Variants in FBXO32 observed in about 807,000 individuals in gnomAD.
FBXO32 encodes F-box protein 32, also known as F-box only protein 32.
FBXO32 carries 15 observed loss-of-function variants against 48.3 expected under a neutral mutation model. The ratio of observed to expected loss-of-function variants is 0.31; its 90% CI spans 0.21 to 0.48. FBXO32 has a LOEUF of 0.48. Ranked by LOEUF, FBXO32 falls within the 20% of genes least tolerant of loss-of-function variation. The pLI is 0.99. For missense variants in FBXO32, 309 were observed against 432.7 expected (o/e 0.71, Z 2.54); for synonymous variants, 154 against 165.9 (o/e 0.93, Z 0.55).
At chr8:123,524,471 A>G (rs1237622285) in intron 4 of FBXO32, among the ~76,000 whole-genome samples, 1 of 152,198 alleles carries the variant, frequency 6.6e-6, no homozygotes, top group Admixed American at 6.5e-5. Flanking sequence ...TGGTAGAGGC[A>G]GTTGGCTATG....
At chr8:123,522,687 T>A (rs1405660579) in intron 4 of FBXO32, among the ~76,000 whole-genome samples, 1 of 152,156 alleles carries the variant, frequency 6.6e-6, no homozygotes, top group Non-Finnish European at 1.5e-5. Flanking sequence ...CCACAATCAT[T>A]CCCCTTCACT....
chr8:123,510,478 T>C (rs1816714310), intron 6 of FBXO32, among the ~76,000 whole-genome samples: 1 of 152,082 alleles, frequency 6.6e-6, no homozygotes, highest in Non-Finnish European at 1.5e-5. Context: ...CCGGGTGTGG[T>C]GGTGCATGCC....
intron 1 of FBXO32, among the ~76,000 whole-genome samples, chr8:123,539,168 T>C (rs1050438835): frequency 1.3e-5 from 2 of 152,126 alleles, no homozygotes; most frequent in Admixed American, 6.5e-5. Flanking sequence ...ACATTTTAAA[T>C]CTTCTGCTGA....
At chr8:123,503,704 A>G (rs547681222) in intron 8 of FBXO32, among the ~76,000 whole-genome samples, 1 of 152,336 alleles carries the variant, frequency 6.6e-6, no homozygotes, top group South Asian at 2.1e-4. Context: ...AAGTGGATCA[A>G]TGGGTACAAA....
At chr8:123,510,475 TG>T (rs1428477535) in intron 6 of FBXO32, among the ~76,000 whole-genome samples, 1 of 151,966 alleles carries the variant, frequency 6.6e-6, no homozygotes, top group Non-Finnish European at 1.5e-5. Context: ...TAGCCGGGTG[TG>T]GTGGTGCATG....
At chr8:123,510,476 G>C (rs1367886077) in intron 6 of FBXO32, among the ~76,000 whole-genome samples, 4 of 152,122 alleles carry the variant, frequency 2.6e-5, no homozygotes, top group Non-Finnish European at 4.4e-5. Flanking sequence ...AGCCGGGTGT[G>C]GTGGTGCATG....
intron 4 of FBXO32, among the ~76,000 whole-genome samples, chr8:123,514,784 C>T (rs1816804666): frequency 6.6e-6 from 1 of 152,228 alleles, no homozygotes; most frequent in Admixed American, 6.5e-5. Context: ...GCCATGTGCA[C>T]TTTTTCCATG....
In FBXO32 at chr8:123,503,448, C is replaced by A; in HGVS notation, c.993G>T (p.Pro331=). 1 of 1,613,894 alleles carries A rather than the reference C, an allele frequency of 6.2e-7. No homozygotes were observed. Residue 331 remains proline (P), a synonymous_variant, in exon 9 of 9, where the codon CCG becomes CCT. Coordinates refer to ENST00000517956, the MANE Select transcript of FBXO32 (RefSeq NM_058229.4). ...HILSWKGTDH[P]CTANNPESCS... ...AGCTCTCTGGGTTATTGGCAGTGCA[C>A]GGATGGTCAGTGCCCTGGAAAGGAA...
chr8:123,527,662 T>G (rs1238557092), intron 4 of FBXO32, among the ~76,000 whole-genome samples: 1 of 152,246 alleles, frequency 6.6e-6, no homozygotes, highest in African/African-American at 2.4e-5. Flanking sequence ...GAAAGATGGT[T>G]GGATATGCTA....
intron 4 of FBXO32, among the ~76,000 whole-genome samples, chr8:123,517,223 A>G (rs1441132447): frequency 6.6e-6 from 1 of 152,228 alleles, no homozygotes; most frequent in Non-Finnish European, 1.5e-5. Context: ...AAATCCATCC[A>G]AAACCCAGAT....
chr8:123,512,698 A>G (rs1165876700), intron 6 of FBXO32, among the ~76,000 whole-genome samples: 4 of 151,884 alleles, frequency 2.6e-5, no homozygotes, highest in African/African-American at 9.7e-5. Context: ...ATTGCTCATC[A>G]TTTTCCCACA....
At position 123,540,957 on chromosome 8, in the gene FBXO32, C is replaced by T; in HGVS notation, c.58G>A (p.Asp20Asn). Reference protein sequence around the residue: ...SPGQNWVKTADGWKRFLDEKS... With the variant: ...SPGQNWVKTANGWKRFLDEKS... ...TCATCCAGGAAGCGCTTCCAGCCGT[C>T]GGCCGTCTTCACCCAGTTCTGCCCG... is the stretch of plus-strand genomic sequence containing the variant. The change falls in exon 1 of 9, where the codon GAC becomes AAC. Residue 20 changes from aspartate to asparagine, a missense_variant. Asp to Asn is a conservative substitution (Grantham distance 23, BLOSUM62 1). Transcript: ENST00000517956. The surrounding 1 kb of genome is among the most constrained non-coding windows in gnomAD (Gnocchi z 6.4). The T allele has an allele frequency of 6.2e-7, 1 of 1,613,484 alleles. No homozygotes were observed. Among genetic ancestry groups the T allele is most frequent in the Non-Finnish European group, 8.5e-7 (1 of 1,179,770 alleles).
chr8:123,505,529 A>G (rs1435623195), intron 7 of FBXO32, among the ~76,000 whole-genome samples: 3 of 152,224 alleles, frequency 2.0e-5, no homozygotes, highest in African/African-American at 7.2e-5. Context: ...TGAGGTCAGG[A>G]GTTCAAGACC....
At chr8:123,533,746 T>A (rs1055850428) in intron 2 of FBXO32, among the ~76,000 whole-genome samples, 2 of 152,124 alleles carry the variant, frequency 1.3e-5, no homozygotes, top group African/African-American at 4.8e-5. Context: ...AGGCAGAGGT[T>A]GCAGTGAGCC....
At chr8:123,510,607 T>C (rs1226774939) in intron 6 of FBXO32, among the ~76,000 whole-genome samples, 1 of 152,014 alleles carries the variant, frequency 6.6e-6, no homozygotes, top group Non-Finnish European at 1.5e-5. Flanking sequence ...AGACCCTGTT[T>C]CAAAAAAAGA....
In FBXO32 at chr8:123,533,767, C is replaced by T. The variant is rs536732449; in HGVS notation, c.230-527G>A. 2.6e-5 allele frequency among the ~76,000 whole-genome samples: 4 copies of T among 152,216 alleles called. No homozygotes were observed. In the East Asian group the frequency reaches 7.7e-4, roughly 29 times the overall value. Reference sequence around the variant, plus strand: ...AGGTTGCAGTGAGCCAAGATTGTGCCACTGCACTCCAGCCTGGGCGACAGA... The same window carrying T: ...AGGTTGCAGTGAGCCAAGATTGTGCTACTGCACTCCAGCCTGGGCGACAGA... On this transcript the variant is annotated intron_variant, in intron 2 of 8. Coordinates refer to ENST00000517956, the MANE Select transcript of FBXO32 (RefSeq NM_058229.4).
At position 123,499,272 on chromosome 8, in the gene FBXO32, T is replaced by C. The variant is rs1455992386; in HGVS notation, c.*4101A>G. On this transcript the variant is annotated 3_prime_UTR_variant, in exon 9 of 9. Transcript: ENST00000517956. ...TTAATGAAACTGAGAAGAAGGTATC[T>C]ACAGAAAACACTGAATTTAAACAAA... is the stretch of plus-strand genomic sequence containing the variant. 3.3e-5 allele frequency: 5 copies of C among 152,198 alleles called. No homozygotes were observed. The highest frequency in any genetic ancestry group is 7.3e-5 in the Non-Finnish European group (5 of 68,038). The allele number at this position is 152,198 out of a possible 1,614,324, so 9.4% of individuals were successfully genotyped here. A position where few individuals can be genotyped will look rare whatever the true frequency, so the allele number is the denominator to read the frequency against.
chr8:123,515,397 G>T (rs1350805745), intron 4 of FBXO32, among the ~76,000 whole-genome samples: 1 of 151,528 alleles, frequency 6.6e-6, no homozygotes, highest in African/African-American at 2.4e-5. Context: ...CACTACGCCT[G>T]GCTAACAGTT....
chr8:123,516,154 C>T (rs1816835128), intron 4 of FBXO32, among the ~76,000 whole-genome samples: 1 of 152,206 alleles, frequency 6.6e-6, no homozygotes, highest in Admixed American at 6.5e-5. Context: ...GAGGACTCAG[C>T]AGAGTCCTTC....
Sources: gnomAD v4.1 joint callset for allele counts (sites outside exome capture counted in the v4.1 genomes callset) on GRCh38, gnomAD v4.1.1 for gene constraint, Gnocchi (gnomAD v3.1) non-coding constraint, MANE v1.5 for transcripts, NCBI Gene and HGNC (gene_info 2026-07-23, HGNC 2026-07-21) for gene names.